The following PTCHD4 variants were observed in gnomAD, a reference collection of about 807,000 sequenced individuals.
PTCHD4 encodes the protein patched domain containing 4.
In PTCHD4, 33 loss-of-function variants were observed where a neutral mutation model predicts 58.1. The ratio of observed to expected loss-of-function variants is 0.57; its 90% CI spans 0.43 to 0.76. PTCHD4 has a LOEUF of 0.76. Ranked by LOEUF, PTCHD4 falls within the 30% of genes least tolerant of loss-of-function variation. The pLI, the probability that PTCHD4 is intolerant of heterozygous loss-of-function variation, is 0.00. For synonymous variants in PTCHD4, 478 were observed against 409.6 expected (o/e 1.17, Z -2.02); for missense variants, 1,058 against 1,027.1 (o/e 1.03, Z -0.41).
chr6:47,988,608 C>T (rs1768166597), intron 4 of PTCHD4, among the ~76,000 whole-genome samples: 1 of 152,084 alleles, frequency 6.6e-6, no homozygotes, highest in East Asian at 1.9e-4. Flanking sequence ...GGCAGTTTCC[C>T]CATACTGTTC....
At chr6:47,928,788 T>C (rs915473877) in intron 4 of PTCHD4, among the ~76,000 whole-genome samples, 1 of 150,068 alleles carries the variant, frequency 6.7e-6, no homozygotes, top group Non-Finnish European at 1.5e-5. Flanking sequence ...ATCATCTTTG[T>C]CCTGAGTTAG....
chr6:48,096,610 T>A (rs1231246603), intron 1 of PTCHD4, among the ~76,000 whole-genome samples: 10 of 134,692 alleles, frequency 7.4e-5, no homozygotes, highest in Admixed American at 2.2e-4. Flanking sequence ...AGACTCTGCC[T>A]AAAAAAAAAA....
intron 4 of PTCHD4, among the ~76,000 whole-genome samples, chr6:47,937,303 T>C (rs529937938): frequency 6.6e-6 from 1 of 152,004 alleles, no homozygotes; most frequent in East Asian, 1.9e-4. Flanking sequence ...TCATGAAAAA[T>C]GATGTTGGCC....
chr6:48,088,375 T>G (rs986615806), intron 1 of PTCHD4, among the ~76,000 whole-genome samples: 1 of 152,212 alleles, frequency 6.6e-6, no homozygotes, highest in Non-Finnish European at 1.5e-5. Flanking sequence ...GGTAAGTGAT[T>G]TGTAGTTTAC....
At chr6:48,004,350 CA>C (rs1209625626) in intron 4 of PTCHD4, among the ~76,000 whole-genome samples, 1 of 151,824 alleles carries the variant, frequency 6.6e-6, no homozygotes, top group Non-Finnish European at 1.5e-5. Context: ...TCAGAATGGA[CA>C]AAAAAATAAT....
At chr6:47,912,150 T>A (rs1350212655) in intron 4 of PTCHD4, among the ~76,000 whole-genome samples, 3 of 152,056 alleles carry the variant, frequency 2.0e-5, no homozygotes, top group African/African-American at 7.2e-5. Flanking sequence ...GTGATGATGG[T>A]AGCAGGGTTT....
At chr6:47,890,109 CAT>C (rs904000581) in intron 4 of PTCHD4, among the ~76,000 whole-genome samples, 8 of 151,506 alleles carry the variant, frequency 5.3e-5, no homozygotes, top group African/African-American at 1.9e-4. Context: ...CGTATACACA[CAT>C]ATATGCATAT....
At chr6:48,081,911 T>C (rs1765176464) in intron 1 of PTCHD4, among the ~76,000 whole-genome samples, 1 of 152,212 alleles carries the variant, frequency 6.6e-6, no homozygotes, top group Non-Finnish European at 1.5e-5. Flanking sequence ...TTGCTATCCA[T>C]TATTACAGGT....
rs16877051 is a variant in PTCHD4, at chr6:48,082,277, T to G, written c.-969-12351A>C. On this transcript the variant is annotated intron_variant, in intron 1 of 4. Coordinates refer to ENST00000339488, the MANE Select transcript of PTCHD4 (RefSeq NM_001384253.1). The stretch of plus-strand genomic sequence containing the variant: ...AAAGAAAAAATGTGGCTTATGAAAC[T>G]TTCTTCTTAGGTCTTATAAAAATTC... 7.2e-3 allele frequency among the ~76,000 whole-genome samples: 1,102 copies of G among 152,266 alleles called. 28 individuals carry two copies. The highest frequency in any genetic ancestry group is 0.05 in the Admixed American group (762 of 15,296).
At position 47,862,734 on chromosome 6, in the gene PTCHD4, T is replaced by C. The variant is rs531853196; in HGVS notation, c.*15569A>G. ...AAATAGCTAGAAATCAGCAATATTG[T>C]TTAGAAAATAAGAACTGATTTCCAC... is the stretch of plus-strand genomic sequence containing the variant. On this transcript the variant is annotated 3_prime_UTR_variant, in exon 5 of 5. Transcript: ENST00000339488. 6.6e-6 allele frequency among the ~76,000 whole-genome samples: 1 copy of C among 151,956 alleles called. No individual in the cohort carries two copies. The highest frequency in any genetic ancestry group is 6.6e-5 in the Admixed American group (1 of 15,234).
chr6:48,010,198 C>T (rs1362601577), intron 3 of PTCHD4, among the ~76,000 whole-genome samples: 1 of 152,190 alleles, frequency 6.6e-6, no homozygotes, highest in East Asian at 1.9e-4. Flanking sequence ...AGGTGAGAGA[C>T]AGGCACTAAG....
In PTCHD4 at chr6:47,861,706, A is replaced by G. The variant is rs942335040; in HGVS notation, c.*16597T>C. Among the ~76,000 whole-genome samples the G allele has an allele frequency of 9.9e-5, 15 of 151,958 alleles. No homozygotes were observed. The highest frequency in any genetic ancestry group is 2.0e-4 in the Admixed American group (3 of 15,230). On this transcript the variant is annotated 3_prime_UTR_variant, in exon 5 of 5. Transcript: ENST00000339488. ...TAGCAGGCAAATAAATAATAACTCT[A>G]GTTTTGCCAATGTCTCATAACAAAT...
At chr6:47,993,220 A>T (rs192865710) in intron 4 of PTCHD4, among the ~76,000 whole-genome samples, 12 of 152,332 alleles carry the variant, frequency 7.9e-5, no homozygotes, top group Admixed American at 7.2e-4. Flanking sequence ...TCACCAATGC[A>T]ATAATTTTTC....
intron 1 of PTCHD4, among the ~76,000 whole-genome samples, chr6:48,109,520 A>C (rs1402153589): frequency 6.6e-6 from 1 of 152,126 alleles, no homozygotes; most frequent in African/African-American, 2.4e-5. Context: ...TATCACACCA[A>C]AATATCAGGC....
chr6:48,078,943 C>T (rs988365479), intron 1 of PTCHD4, among the ~76,000 whole-genome samples: 15 of 151,824 alleles, frequency 9.9e-5, no homozygotes, highest in African/African-American at 3.4e-4. Flanking sequence ...ACGGTGAAAC[C>T]CCGTCTCTAC....
chr6:47,905,026 G>C (rs1210780837), intron 4 of PTCHD4, among the ~76,000 whole-genome samples: 3 of 113,798 alleles, frequency 2.6e-5, no homozygotes, highest in Non-Finnish European at 5.4e-5. Flanking sequence ...AGAAGAACTA[G>C]GAAGAAAATA....
chr6:47,924,084 C>T (rs1346120665), intron 4 of PTCHD4, among the ~76,000 whole-genome samples: 1 of 152,208 alleles, frequency 6.6e-6, no homozygotes, highest in African/African-American at 2.4e-5. Flanking sequence ...TTGCCGGCTA[C>T]ATCCTTTATT....
intron 4 of PTCHD4, among the ~76,000 whole-genome samples, chr6:47,958,454 C>T (rs1046040264): frequency 2.0e-5 from 3 of 152,108 alleles, no homozygotes; most frequent in African/African-American, 4.8e-5. Flanking sequence ...TCCCTGAGAA[C>T]GGGAAACAAA....
At chr6:47,936,714 CA>C (rs1766011645) in intron 4 of PTCHD4, among the ~76,000 whole-genome samples, 1 of 152,112 alleles carries the variant, frequency 6.6e-6, no homozygotes, top group Non-Finnish European at 1.5e-5. Context: ...ACAGTTGGGA[CA>C]CATCAATGAA....
Sources: gnomAD v4.1 joint callset for allele counts (sites outside exome capture counted in the v4.1 genomes callset) on GRCh38, gnomAD v4.1.1 for gene constraint, MANE v1.5 for transcripts, NCBI Gene and HGNC (gene_info 2026-07-23, HGNC 2026-07-21) for gene names.